The following FEZ2 variants were observed in gnomAD, a reference collection of about 807,000 sequenced individuals.
FEZ2 encodes the protein fasciculation and elongation protein zeta 2.
A neutral mutation model predicts 40.4 loss-of-function variants in FEZ2; 51 were observed. The ratio of observed to expected loss-of-function variants is 1.26; its 90% CI spans 1.01 to 1.59. The LOEUF (loss-of-function observed/expected upper bound fraction) is 1.59, where lower values mean the gene tolerates loss of function less well. Ranked by LOEUF, FEZ2 falls within the 40% of genes most tolerant of loss-of-function variation. FEZ2 has a pLI of 0.00. For synonymous variants in FEZ2, 242 were observed against 172.0 expected (o/e 1.41, Z -3.18); for missense variants, 640 against 438.3 (o/e 1.46, Z -4.11).
chr2:36,560,726 C>A, intron 5 of FEZ2: 1 of 1,045,996 alleles, frequency 9.6e-7, no homozygotes, highest in Non-Finnish European at 1.5e-6. Context: ...CTTTCAGGAT[C>A]TTCACTTACA....
rs1669226038 is a variant in FEZ2, at chr2:36,596,491, C to G, written c.266+1386G>C. On this transcript the variant is annotated intron_variant, in intron 1 of 7. Transcript: ENST00000405912. ...CTCATTTTTGAGACAAAGTCTCGCT[C>G]TGACACCCAGGCTGGAGTGCAGTTG... is the stretch of plus-strand genomic sequence containing the variant. Among the ~76,000 whole-genome samples the G allele has an allele frequency of 2.6e-5, 4 of 152,334 alleles. No individual in the cohort carries two copies. The South Asian group carries it at 8.3e-4, about 32-fold the overall frequency.
intron 5 of FEZ2, among the ~76,000 whole-genome samples, chr2:36,577,801 T>A (rs940380073): frequency 6.6e-6 from 1 of 152,252 alleles, no homozygotes; most frequent in Non-Finnish European, 1.5e-5. Context: ...AGAACTCATA[T>A]TATTGCAAGC....
At chr2:36,577,263 T>TC (rs1668600469) in intron 5 of FEZ2, among the ~76,000 whole-genome samples, 1 of 145,234 alleles carries the variant, frequency 6.9e-6, no homozygotes, top group Non-Finnish European at 1.5e-5. Context: ...GCAATGTCCT[T>TC]TTTTTTTTTT....
intron 1 of FEZ2, among the ~76,000 whole-genome samples, chr2:36,596,570 T>C (rs980635486): frequency 2.0e-5 from 3 of 152,192 alleles, no homozygotes; most frequent in African/African-American, 7.2e-5. Context: ...AATCCTGCCA[T>C]CTCAGCCTCC....
At chr2:36,577,246 T>C (rs1046105528) in intron 5 of FEZ2, among the ~76,000 whole-genome samples, 6 of 152,042 alleles carry the variant, frequency 3.9e-5, no homozygotes, top group East Asian at 3.9e-4. Context: ...TCAAAGTCAG[T>C]GCATAAGCAA....
At chr2:36,592,745 C>T (rs142038592) in intron 1 of FEZ2, among the ~76,000 whole-genome samples, 2,871 of 152,146 alleles carry the variant, frequency 0.019, 290 homozygotes, top group Admixed American at 0.17. Flanking sequence ...AGCCCAGGAG[C>T]TCAAGGCTGT....
intron 6 of FEZ2, 78 bp from the exon 7 acceptor site, chr2:36,555,826 G>T: frequency 1.2e-6 from 1 of 829,470 alleles, no homozygotes; most frequent in Non-Finnish European, 1.9e-6. Context: ...AATCATTGTG[G>T]CCTTAATCTT....
rs1187966357 is a variant in FEZ2 at position 36,559,819 on chromosome 2, T to TGAGAGAG, written c.904-1313_904-1307dup. Among the ~76,000 whole-genome samples the TGAGAGAG allele has an allele frequency of 2.0e-5, 3 of 152,194 alleles. No individual in the cohort carries two copies. In the East Asian group the frequency reaches 5.8e-4, roughly 29 times the overall value. ...AAGATTCCTTGTCTTCTTTTGAGGTTGAGAGAGGTGAGAGGCAACGGAATG... is the reference window on the plus strand; with the variant it reads ...AAGATTCCTTGTCTTCTTTTGAGGTTGAGAGAGGAGAGAGGTGAGAGGCAACGGAATG... On this transcript the variant is annotated intron_variant, in intron 5 of 7. Coordinates refer to ENST00000405912, the MANE Select transcript of FEZ2 (RefSeq NM_005102.3).
chr2:36,560,376 C>T (rs1668061059), intron 5 of FEZ2, among the ~76,000 whole-genome samples: 1 of 152,218 alleles, frequency 6.6e-6, no homozygotes, highest in South Asian at 2.1e-4. Context: ...TAGTCTCAAA[C>T]ATACCGACAT....
In FEZ2 at chr2:36,581,355, C is replaced by A. The variant is rs757862888; in HGVS notation, c.569G>T (p.Arg190Leu). 6.2e-7 allele frequency: 1 copy of A among 1,613,616 alleles called. No individual in the cohort carries two copies. The highest frequency in any genetic ancestry group is 8.5e-7 in the Non-Finnish European group (1 of 1,179,590). ...EDDETPTQSD[R>L]LSMLSQEIQT... ...AATTTCCTGGGAAAGCATTGAAAGC[C>A]GATCTGACTGTGTAGGGGTTTCATC... The change falls in exon 4 of 8, where the codon CGG (arginine) becomes CTG (leucine). Residue 190 changes from arginine to leucine, a missense_variant. By Grantham distance (102) the Arg-to-Leu change is moderately radical (BLOSUM62 -2). Coordinates refer to ENST00000405912, the MANE Select transcript of FEZ2 (RefSeq NM_005102.3).
At position 36,590,898 on chromosome 2, in the gene FEZ2, C is replaced by T; in HGVS notation, c.375+5G>A. The T allele has an allele frequency of 2.0e-6, 3 of 1,531,122 alleles. No homozygotes were observed. Among genetic ancestry groups the T allele is most frequent in the Non-Finnish European group, 2.7e-6 (3 of 1,104,456 alleles). The allele number at this position is 1,531,122 out of a possible 1,614,324, so 94.8% of individuals were successfully genotyped here. A position where few individuals can be genotyped will look rare whatever the true frequency, so the allele number is the denominator to read the frequency against. The stretch of plus-strand genomic sequence containing the variant: ...CAAACACTATTGGTTCAATTCCTAA[C>T]TTACCCCTTTTTCTGAGAGGTTCAG... On this transcript the variant is annotated splice_donor_5th_base_variant and intron_variant, in intron 2 of 7. Transcript: ENST00000405912.
rs1558437264 is a variant in FEZ2 at position 36,552,607 on chromosome 2, C to CA, written c.*555dup. 4.2e-6 allele frequency: 1 copy of CA among 239,566 alleles called. No homozygotes were observed. Among genetic ancestry groups the CA allele is most frequent in the Non-Finnish European group, 8.3e-6 (1 of 120,626 alleles). 14.8% of individuals were successfully genotyped at this position (239,566 alleles called of 1,614,324 possible). A position where few individuals can be genotyped will look rare whatever the true frequency, so the allele number is the denominator to read the frequency against. ...AGCAAGCTACAAAATCCATCACCAC[C>CA]AACAGTTTCAATGTTAGCACTAAGT... On this transcript the variant is annotated 3_prime_UTR_variant, in exon 8 of 8. Coordinates refer to ENST00000405912, the MANE Select transcript of FEZ2 (RefSeq NM_005102.3).
chr2:36,556,722 T>A (rs1027717054), intron 6 of FEZ2: 2 of 152,264 alleles, frequency 1.3e-5, no homozygotes, highest in Non-Finnish European at 1.5e-5. Flanking sequence ...CTAATTCAGA[T>A]ATAAAGGTCA....
intron 5 of FEZ2, among the ~76,000 whole-genome samples, chr2:36,571,122 T>A (rs972280108): frequency 6.6e-6 from 1 of 152,156 alleles, no homozygotes; most frequent in Non-Finnish European, 1.5e-5. Context: ...GACATATATT[T>A]CTCTAGGTAA....
At chr2:36,564,890 A>ACC (rs1263792597) in intron 5 of FEZ2, among the ~76,000 whole-genome samples, 2 of 152,176 alleles carry the variant, frequency 1.3e-5, no homozygotes, top group African/African-American at 2.4e-5. Flanking sequence ...TATTGCAGCA[A>ACC]CCCTGTCTTC....
At position 36,560,958 on chromosome 2, in the gene FEZ2, A is replaced by G. The variant is rs529378665; in HGVS notation, c.904-2445T>C. ...ATGTACCATGATGACTTATGTGCCC[A>G]AGAGGCAAGCAGTTAGAAAATGCCA... On this transcript the variant is annotated intron_variant, in intron 5 of 7. Coordinates refer to ENST00000405912, the MANE Select transcript of FEZ2 (RefSeq NM_005102.3). 2.4e-5 allele frequency: 16 copies of G among 676,160 alleles called. No homozygotes were observed. The African/African-American group carries it at 2.6e-4, about 11-fold the overall frequency. 41.9% of individuals were successfully genotyped at this position (676,160 alleles called of 1,614,324 possible).
chr2:36,585,306 C>T (rs559676587), intron 2 of FEZ2, among the ~76,000 whole-genome samples: 2 of 152,284 alleles, frequency 1.3e-5, no homozygotes, highest in East Asian at 1.9e-4. Context: ...AAATTTACCT[C>T]TCATGTGCCC....
rs1341140272 is a variant in FEZ2 at position 36,598,093 on chromosome 2, G to A, written c.50C>T (p.Ala17Val). The change falls in exon 1 of 8, where the codon GCC becomes GTC. Residue 17 changes from alanine (A) to valine (V), a missense_variant. Coordinates refer to ENST00000405912, the MANE Select transcript of FEZ2 (RefSeq NM_005102.3). ...GTTCTCCTGGTCCAGGAGGCTCCGG[G>A]CCGGCTCCTGGAACTCATAGAAATC... ...WQDFYEFQEP[A>V]RSLLDQENCN... The A allele has an allele frequency of 1.0e-5, 15 of 1,496,074 alleles. No individual in the cohort carries two copies. The highest frequency in any genetic ancestry group is 1.3e-5 in the Non-Finnish European group (15 of 1,129,416). The allele number at this position is 1,496,074 out of a possible 1,614,324, so 92.7% of individuals were successfully genotyped here. A position where few individuals can be genotyped will look rare whatever the true frequency, so the allele number is the denominator to read the frequency against.
intron 5 of FEZ2, among the ~76,000 whole-genome samples, chr2:36,573,439 G>A (rs1668474033): frequency 6.6e-6 from 1 of 152,186 alleles, no homozygotes; most frequent in African/African-American, 2.4e-5. Flanking sequence ...GTGAATGTCT[G>A]ATGTAACAGA....
Sources: gnomAD v4.1 joint callset for allele counts (sites outside exome capture counted in the v4.1 genomes callset) on GRCh38, gnomAD v4.1.1 for gene constraint, MANE v1.5 for transcripts, NCBI Gene and HGNC (gene_info 2026-07-23, HGNC 2026-07-21) for gene names.